The following DNAH6 variants were observed in gnomAD, a reference collection of about 807,000 sequenced individuals.
DNAH6 encodes dynein axonemal heavy chain 6.
In DNAH6, 340 loss-of-function variants were observed where a neutral mutation model predicts 491.4. The observed-to-expected ratio is 0.69, with a 90% CI of 0.63 to 0.76. DNAH6 has a LOEUF of 0.76. Among genes scored for constraint, DNAH6 ranks in the 30% least tolerant of loss-of-function variants. The probability of loss-of-function intolerance (pLI) is 0.00; values close to 1 mark genes in which losing one functional copy is unlikely to be tolerated. For synonymous variants in DNAH6, 1,603 were observed against 1,686.1 expected (o/e 0.95, Z 1.21); for missense variants, 4,443 against 4,972.2 (o/e 0.89, Z 3.20).
At position 84,549,889 on chromosome 2, in the gene DNAH6, C is replaced by T; in HGVS notation, c.1317C>T (p.Cys439=). Residue 439 remains cysteine (C), a splice_region_variant and synonymous_variant, in exon 9 of 77, where the codon TGC becomes TGT. Transcript: ENST00000389394. ...SKRHYCMRLT[C]FIRLNDYLIE... ...TGTATTAGTTTTTTTTCTTTTCAAG[C>T]TTTATTCGTCTAAACGACTATCTAA... The T allele has an allele frequency of 6.3e-7, 1 of 1,578,976 alleles. No individual in the cohort carries two copies. Among genetic ancestry groups the T allele is most frequent in the Non-Finnish European group, 8.6e-7 (1 of 1,161,824 alleles).
intron 49 of DNAH6, among the ~76,000 whole-genome samples, chr2:84,702,700 G>A (rs191949869): frequency 7.9e-5 from 12 of 151,848 alleles, no homozygotes; most frequent in Admixed American, 1.3e-4. Flanking sequence ...CCGCCACCAC[G>A]CCCGACTAAT....
intron 2 of DNAH6, among the ~76,000 whole-genome samples, chr2:84,522,106 G>A (rs1198019038): frequency 6.6e-6 from 1 of 152,094 alleles, no homozygotes; most frequent in Non-Finnish European, 1.5e-5. Context: ...ATCACGGAGA[G>A]CATGGAATGT....
chr2:84,475,083 C>T, the DNAH6 span, among the ~76,000 whole-genome samples: 1 of 152,212 alleles, frequency 6.6e-6, no homozygotes, highest in Admixed American at 6.5e-5. Flanking sequence ...CTGGTATAAT[C>T]ACAGTCAATT....
the DNAH6 span, among the ~76,000 whole-genome samples, chr2:84,462,485 C>A: frequency 7.9e-5 from 12 of 152,186 alleles, no homozygotes; most frequent in Non-Finnish European, 8.8e-5. Context: ...GCATCCTTAA[C>A]CTTGGCAAAA....
intron 4 of DNAH6, among the ~76,000 whole-genome samples, chr2:84,540,804 T>G (rs1678170642): frequency 6.6e-6 from 1 of 152,172 alleles, no homozygotes; most frequent in Non-Finnish European, 1.5e-5. Flanking sequence ...AAGGGACCCC[T>G]TGATCTTCAT....
intron 4 of DNAH6, among the ~76,000 whole-genome samples, chr2:84,532,502 A>G (rs1573523759): frequency 6.6e-6 from 1 of 152,288 alleles, no homozygotes; most frequent in African/African-American, 2.4e-5. Context: ...TCATGTTATT[A>G]CCAAACTCCT....
chr2:84,521,936 G>C (rs1676185176), intron 2 of DNAH6, among the ~76,000 whole-genome samples: 1 of 151,976 alleles, frequency 6.6e-6, no homozygotes. Context: ...TTTATGCTTG[G>C]GATTGCCTTG....
chr2:84,460,515 CATG>C, the DNAH6 span, among the ~76,000 whole-genome samples: 39 of 152,232 alleles, frequency 2.6e-4, no homozygotes, highest in African/African-American at 8.4e-4. Context: ...TGATAAAATG[CATG>C]ATGACAAAAA....
At chr2:84,553,358 T>C (rs1041516562) in intron 10 of DNAH6, among the ~76,000 whole-genome samples, 10 of 36,246 alleles carry the variant, frequency 2.8e-4, no homozygotes, top group African/African-American at 1.1e-3. Flanking sequence ...TCTTTTCTTT[T>C]CTTTTCTTTT....
Position 84,616,989 on chromosome 2 carries a change from T to C in DNAH6, c.3572+7T>C. 1 of 1,436,182 alleles carries C rather than the reference T, an allele frequency of 7.0e-7. No homozygotes were observed. Among genetic ancestry groups the C allele is most frequent in the Non-Finnish European group, 9.3e-7 (1 of 1,073,928 alleles). The allele number at this position is 1,436,182 out of a possible 1,614,324, so 89.0% of individuals were successfully genotyped here. A position where few individuals can be genotyped will look rare whatever the true frequency, so the allele number is the denominator to read the frequency against. On this transcript the variant is annotated splice_region_variant and intron_variant, in intron 23 of 76. Coordinates refer to ENST00000389394, the MANE Select transcript of DNAH6 (RefSeq NM_001370.2). ...AAAGAGTTATCTTTCCAAGGTAAGT[T>C]TATAAAGCAACCTAAGATATTTTTT... is the stretch of plus-strand genomic sequence containing the variant.
At chr2:84,801,274 A>AG (rs1207794728) in intron 70 of DNAH6, among the ~76,000 whole-genome samples, 6 of 151,850 alleles carry the variant, frequency 4.0e-5, no homozygotes, top group Admixed American at 2.0e-4. Context: ...AAAAAGAAAA[A>AG]AAAAAAAAAG....
intron 14 of DNAH6, among the ~76,000 whole-genome samples, chr2:84,581,078 T>C (rs1036316680): frequency 6.6e-6 from 1 of 152,176 alleles, no homozygotes; most frequent in Admixed American, 6.5e-5. Flanking sequence ...AGAGATAATC[T>C]CTCTTTTTCA....
At chr2:84,798,907 T>A (rs763502882) in intron 70 of DNAH6, among the ~76,000 whole-genome samples, 1 of 151,818 alleles carries the variant, frequency 6.6e-6, no homozygotes, top group Non-Finnish European at 1.5e-5. Context: ...TGGCCTGAGC[T>A]CGAGTAGGGG....
At chr2:84,772,548 A>G (rs962595534) in intron 64 of DNAH6, among the ~76,000 whole-genome samples, 5 of 152,102 alleles carry the variant, frequency 3.3e-5, no homozygotes, top group African/African-American at 9.6e-5. Context: ...GAAAGTTGTT[A>G]CAAAAGACAG....
chr2:84,486,456 C>T, the DNAH6 span, among the ~76,000 whole-genome samples: 1 of 152,200 alleles, frequency 6.6e-6, no homozygotes, highest in Non-Finnish European at 1.5e-5. Flanking sequence ...CCACCTCAAG[C>T]TGCCTGGTGT....
the DNAH6 span, among the ~76,000 whole-genome samples, chr2:84,508,026 C>T: frequency 5.3e-5 from 8 of 152,094 alleles, no homozygotes; most frequent in Admixed American, 1.3e-4. Context: ...GTCTAAAATT[C>T]TCTTTTTTGG....
chr2:84,498,345 C>A, the DNAH6 span, among the ~76,000 whole-genome samples: 2 of 152,198 alleles, frequency 1.3e-5, no homozygotes, highest in African/African-American at 4.8e-5. Context: ...CTCTTCAGAG[C>A]ACCTGGCCCT....
intron 18 of DNAH6, among the ~76,000 whole-genome samples, chr2:84,604,084 G>A (rs922785611): frequency 1.3e-5 from 2 of 152,142 alleles, no homozygotes; most frequent in African/African-American, 4.8e-5. Flanking sequence ...ATTTTCAGTT[G>A]CTGTTTCTCC....
At chr2:84,613,144 AGT>A (rs57906545) in intron 22 of DNAH6, among the ~76,000 whole-genome samples, 9 of 149,608 alleles carry the variant, frequency 6.0e-5, no homozygotes, top group African/African-American at 7.3e-5. Context: ...AGAGAGAGAG[AGT>A]GTGTGTGTGT....
Sources: allele counts gnomAD v4.1 joint callset (sites outside exome capture counted in the v4.1 genomes callset), GRCh38; gene constraint gnomAD v4.1.1; transcripts MANE v1.5; gene names NCBI Gene and HGNC (gene_info 2026-07-23, HGNC 2026-07-21).